The following TASP1 variants were observed in gnomAD, a reference collection of about 807,000 sequenced individuals.
The protein encoded by TASP1 is taspase 1.
In TASP1, 16 loss-of-function variants were observed where a neutral mutation model predicts 56.6. That is an observed-to-expected ratio of 0.28 (90% CI 0.19 to 0.43). The LOEUF (loss-of-function observed/expected upper bound fraction) is 0.43. TASP1 is among the 20% of genes least tolerant of loss of function. The probability of loss-of-function intolerance (pLI) is 1.00; values close to 1 mark genes in which losing one functional copy is unlikely to be tolerated. For synonymous variants in TASP1, 179 were observed against 184.2 expected (o/e 0.97, Z 0.23); for missense variants, 393 against 511.6 (o/e 0.77, Z 2.24).
chr20:13,132,977 C>G, the TASP1 span: 1 of 153,144 alleles, frequency 6.5e-6, no homozygotes, highest in Non-Finnish European at 1.5e-5. Flanking sequence ...ATCCTGCTCC[C>G]TCTAAAGCCA....
At chr20:13,360,011 G>A in the TASP1 span, among the ~76,000 whole-genome samples, 10 of 152,068 alleles carry the variant, frequency 6.6e-5, no homozygotes, top group Admixed American at 5.3e-4. Context: ...GCCTTTTAAA[G>A]CCTATAAACT....
chr20:13,623,901 A>G (rs998296839), intron 3 of TASP1, among the ~76,000 whole-genome samples: 9 of 152,120 alleles, frequency 5.9e-5, no homozygotes, highest in African/African-American at 1.7e-4. Context: ...TTCTCCTCCC[A>G]CTGTTAATAC....
chr20:13,115,628 A>G, the TASP1 span, among the ~76,000 whole-genome samples: 6 of 152,192 alleles, frequency 3.9e-5, no homozygotes, highest in Non-Finnish European at 7.3e-5. Flanking sequence ...ATTATGTATG[A>G]CATCCAGCAT....
chr20:13,346,605 G>A, the TASP1 span, among the ~76,000 whole-genome samples: 5 of 152,224 alleles, frequency 3.3e-5, no homozygotes, highest in Admixed American at 6.5e-5. Context: ...CGCATCCAGC[G>A]ATGGAAGGGG....
chr20:13,569,732 G>T, intron 6 of TASP1, 146 bp from the exon 7 acceptor site: 1 of 611,562 alleles, frequency 1.6e-6, no homozygotes, highest in Non-Finnish European at 2.6e-6. Context: ...TAAGATGACT[G>T]CATGCTAAAA....
At chr20:13,491,878 T>C (rs771862209) in intron 10 of TASP1, among the ~76,000 whole-genome samples, 57 of 152,068 alleles carry the variant, frequency 3.7e-4, no homozygotes, top group Non-Finnish European at 6.9e-4. Context: ...CAGTTATTAA[T>C]GTAGTGTTCT....
At chr20:13,586,677 T>C (rs1457248237) in intron 5 of TASP1, among the ~76,000 whole-genome samples, 1 of 152,192 alleles carries the variant, frequency 6.6e-6, no homozygotes, top group East Asian at 1.9e-4. Context: ...ACTTCATGTA[T>C]ATTTTGCTTT....
chr20:13,209,662 ATATTAC>A, the TASP1 span, among the ~76,000 whole-genome samples: 1 of 152,180 alleles, frequency 6.6e-6, no homozygotes, highest in African/African-American at 2.4e-5. Flanking sequence ...ACAAATCTAA[ATATTAC>A]TAACATTATC....
At chr20:13,263,495 C>A in the TASP1 span, among the ~76,000 whole-genome samples, 2 of 152,204 alleles carry the variant, frequency 1.3e-5, no homozygotes, top group South Asian at 4.1e-4. Context: ...GCTCCTCAAT[C>A]ATGTTAAAGA....
At chr20:13,311,136 G>C in the TASP1 span, among the ~76,000 whole-genome samples, 1 of 152,152 alleles carries the variant, frequency 6.6e-6, no homozygotes, top group Non-Finnish European at 1.5e-5. Flanking sequence ...GGAGGTTGCA[G>C]TGAGCTGAGA....
At chr20:13,273,904 G>A in the TASP1 span, among the ~76,000 whole-genome samples, 4 of 152,156 alleles carry the variant, frequency 2.6e-5, no homozygotes, top group South Asian at 2.1e-4. Context: ...ATCTGATGAC[G>A]TTTTGGCCCT....
chr20:13,436,348 T>TA (rs1330322823), intron 11 of TASP1, among the ~76,000 whole-genome samples: 11 of 143,996 alleles, frequency 7.6e-5, no homozygotes, highest in African/African-American at 2.8e-4. Context: ...AAGGGTTGTT[T>TA]TAAAAAAAAA....
the TASP1 span, among the ~76,000 whole-genome samples, chr20:13,202,545 T>G: frequency 2.0e-5 from 3 of 152,202 alleles, no homozygotes; most frequent in East Asian, 5.8e-4. Context: ...CATTCATGAT[T>G]CACTGTAAGA....
At chr20:13,614,702 A>G (rs2048461492) in intron 4 of TASP1, 2 of 397,086 alleles carry the variant, frequency 5.0e-6, no homozygotes, top group Non-Finnish European at 1.0e-5. Context: ...AAGCCACATA[A>G]TTACAGTACA....
In TASP1 at chr20:13,587,236, T is replaced by C. The variant is rs1454006641; in HGVS notation, c.403+14A>G. The C allele has an allele frequency of 1.3e-6, 2 of 1,599,538 alleles. No homozygotes were observed. Among genetic ancestry groups the C allele is most frequent in the African/African-American group, 2.7e-5 (2 of 74,122 alleles). On this transcript the variant is annotated intron_variant, in intron 5 of 13. Transcript: ENST00000337743. ...ATGATTTTCCAAAGATAGTAGGTCA[T>C]AATGCCCACATACCACTCAGTGCTC...
the TASP1 span, among the ~76,000 whole-genome samples, chr20:13,367,854 G>A: frequency 6.6e-6 from 1 of 151,928 alleles, no homozygotes; most frequent in Non-Finnish European, 1.5e-5. Flanking sequence ...ACAGATGATG[G>A]GAAAAAAATG....
the TASP1 span, among the ~76,000 whole-genome samples, chr20:13,359,412 T>A: frequency 7.1e-4 from 107 of 151,156 alleles, 1 homozygote; most frequent in Middle Eastern, 3.4e-3. Context: ...TTCCCAGATC[T>A]TCTCGGCTTA....
the TASP1 span, among the ~76,000 whole-genome samples, chr20:13,383,208 C>T: frequency 6.6e-6 from 1 of 152,200 alleles, no homozygotes; most frequent in Non-Finnish European, 1.5e-5. Context: ...GATCTTACTC[C>T]TTTTGGCTGC....
the TASP1 span, among the ~76,000 whole-genome samples, chr20:13,260,347 G>C: frequency 1.8e-4 from 27 of 152,186 alleles, no homozygotes; most frequent in Non-Finnish European, 2.8e-4. Context: ...TCTCAGCTTC[G>C]AGTCTTTGAA....
Sources: allele counts gnomAD v4.1 joint callset (sites outside exome capture counted in the v4.1 genomes callset), GRCh38; gene constraint gnomAD v4.1.1; transcripts MANE v1.5; gene names NCBI Gene and HGNC (gene_info 2026-07-23, HGNC 2026-07-21).